The following UBQLN2 variants were observed in gnomAD, a reference collection of about 807,000 sequenced individuals.
UBQLN2 encodes ubiquilin-2.
UBQLN2 carries 2 observed loss-of-function variants against 22.2 expected under a neutral mutation model. The observed-to-expected ratio is 0.09, with a 90% CI of 0.04 to 0.28. UBQLN2 has a LOEUF of 0.28. Among genes scored for constraint, UBQLN2 ranks in the 10% least tolerant of loss-of-function variants. UBQLN2 has a pLI of 1.00. For synonymous variants in UBQLN2, 252 were observed against 206.7 expected (o/e 1.22, Z -1.88); for missense variants, 446 against 505.1 (o/e 0.88, Z 1.12).
In UBQLN2 at chrX:56,564,841, C is replaced by A; in HGVS notation, c.968C>A (p.Pro323Gln). The A allele has an allele frequency of 1.7e-6, 2 of 1,211,350 alleles. No individual in the cohort carries two copies. Among genetic ancestry groups the A allele is most frequent in the Non-Finnish European group, 2.2e-6 (2 of 895,340 alleles). Residue 323 changes from proline (P) to glutamine (Q), a missense_variant, in exon 1 of 1, where the codon CCG becomes CAG. By Grantham distance (76) the Pro-to-Gln change is moderately conservative. Transcript: ENST00000338222. ...CCACTACCCAATCCATGGGCACCAC[C>A]GCCAGCTACCCAGAGTTCTGCAACT... ...RDPLPNPWAP[P>Q]PATQSSATTS...
Position 56,565,486 on chromosome X carries a change from T to A in UBQLN2, c.1613T>A (p.Val538Glu), listed in dbSNP as rs1249658397. ...TGSGGPTGPT[V>E]SSAAPSETTS... is the part of the protein sequence containing the mutation. ...TCTGGTGGCCCCACGGGGCCTACTG[T>A]GTCCAGCGCTGCACCTAGTGAAACC... The change falls in exon 1 of 1, where the codon GTG (valine) becomes GAG (glutamate). Residue 538 changes from valine (V) to glutamate (E), a missense_variant. Coordinates refer to ENST00000338222, the MANE Select transcript of UBQLN2 (RefSeq NM_013444.4). 2.5e-6 allele frequency: 3 copies of A among 1,203,035 alleles called. No individual in the cohort carries two copies. In the African/African-American group the frequency reaches 5.2e-5, roughly 21 times the overall value.
In UBQLN2 at chrX:56,565,459, G is replaced by T. The variant is rs751079876; in HGVS notation, c.1586G>T (p.Gly529Val). The T allele has an allele frequency of 8.3e-7, 1 of 1,199,015 alleles. No homozygotes were observed. Among genetic ancestry groups the T allele is most frequent in the Non-Finnish European group, 1.1e-6 (1 of 888,750 alleles). ...TGPAAPPGST[G>V]SGGPTGPTVS... Reference sequence around the variant, plus strand: ...CCTGCAGCCCCCCCTGGCTCCACCGGCTCTGGTGGCCCCACGGGGCCTACT... The same window carrying T: ...CCTGCAGCCCCCCCTGGCTCCACCGTCTCTGGTGGCCCCACGGGGCCTACT... Residue 529 changes from glycine (G) to valine (V), a missense_variant, in exon 1 of 1, where the codon GGC becomes GTC. Gly to Val is a moderately radical substitution (Grantham distance 109). Coordinates refer to ENST00000338222, the MANE Select transcript of UBQLN2 (RefSeq NM_013444.4).
rs997115409 is a variant in UBQLN2 at position 56,566,565 on chromosome X, A to G, written c.*817A>G. 5 of 123,713 alleles carry G rather than the reference A, an allele frequency of 4.0e-5. No individual in the cohort carries two copies. The East Asian group carries it at 1.4e-3, about 34-fold the overall frequency. The allele number at this position is 123,713 out of a possible 1,213,427, so 10.2% of individuals were successfully genotyped here. A position where few individuals can be genotyped will look rare whatever the true frequency, so the allele number is the denominator to read the frequency against. ...GGCTAGGCAAGTTCAGTTAAAATAT[A>G]GTAGAAATGTTTATCCTGGTATCTC... is the stretch of plus-strand genomic sequence containing the variant. On this transcript the variant is annotated 3_prime_UTR_variant, in exon 1 of 1. Coordinates refer to ENST00000338222, the MANE Select transcript of UBQLN2 (RefSeq NM_013444.4).
At position 56,564,116 on chromosome X, in the gene UBQLN2, A is replaced by G. The variant is rs778382794; in HGVS notation, c.243A>G (p.Leu81=). The part of the protein sequence containing the change: ...QLVLIFAGKI[L]KDQDTLIQHG... ...TGCTGATTTTTGCCGGAAAAATCTT[A>G]AAAGATCAAGATACCTTGATCCAGC... Residue 81 remains leucine, a synonymous_variant, in exon 1 of 1, where the codon TTA becomes TTG. Transcript: ENST00000338222. 3.3e-6 allele frequency: 4 copies of G among 1,209,739 alleles called. No individual in the cohort carries two copies. Among genetic ancestry groups the G allele is most frequent in the African/African-American group, 1.7e-5 (1 of 57,332 alleles).
In UBQLN2 at chrX:56,564,205, A is replaced by G; in HGVS notation, c.332A>G (p.Gln111Arg). 8.3e-7 allele frequency: 1 copy of G among 1,211,630 alleles called. No homozygotes were observed. Among genetic ancestry groups the G allele is most frequent in the Non-Finnish European group, 1.1e-6 (1 of 895,243 alleles). ...VIKSQNRPQGQSTQPSNAAGT... is the reference protein window; with the variant it reads ...VIKSQNRPQGRSTQPSNAAGT... The stretch of plus-strand genomic sequence containing the variant: ...AAAAGCCAGAACCGACCTCAGGGCC[A>G]GTCCACGCAGCCTAGCAATGCCGCG... Residue 111 changes from glutamine to arginine, a missense_variant, in exon 1 of 1, where the codon CAG (glutamine) becomes CGG (arginine). Gln to Arg is a conservative substitution (Grantham distance 43, BLOSUM62 1). Coordinates refer to ENST00000338222, the MANE Select transcript of UBQLN2 (RefSeq NM_013444.4).
Position 56,565,044 on chromosome X carries a change from T to A in UBQLN2, c.1171T>A (p.Tyr391Asn). ...GATTCAGAATATGCTGTCGGCGCCC[T>A]ACATGAGAAGCATGATGCAGTCGCT... ...QLIQNMLSAP[Y>N]MRSMMQSLSQ... Residue 391 changes from tyrosine to asparagine, a missense_variant, in exon 1 of 1, where the codon TAC becomes AAC. Physicochemically the swap from Tyr to Asn is moderately radical, Grantham distance 143. This residue lies in a region of UBQLN2 where 278 missense variants were observed against 279.4 expected (regional missense o/e 1.00). Coordinates refer to ENST00000338222, the MANE Select transcript of UBQLN2 (RefSeq NM_013444.4). 1 of 1,211,889 alleles carries A rather than the reference T, an allele frequency of 8.3e-7. No homozygotes were observed. The highest frequency in any genetic ancestry group is 1.1e-6 in the Non-Finnish European group (1 of 895,433).
In UBQLN2 at chrX:56,565,238, A is replaced by C. The variant is rs2068635276; in HGVS notation, c.1365A>C (p.Leu455Phe). ...CAAACCCAAGAGCAATGCAGGCTTT[A>C]ATGCAGATCCAGCAGGGGCTACAGA... ...AMSNPRAMQA[L>F]MQIQQGLQTL... Residue 455 changes from leucine (L) to phenylalanine (F), a missense_variant, in exon 1 of 1, where the codon TTA becomes TTC. Around this residue, in one of 3 missense-constraint regions of UBQLN2, gnomAD observed 278 missense variants for 279.4 expected, o/e 1.00. Coordinates refer to ENST00000338222, the MANE Select transcript of UBQLN2 (RefSeq NM_013444.4). 1.7e-6 allele frequency: 2 copies of C among 1,210,940 alleles called. No homozygotes were observed. Among genetic ancestry groups the C allele is most frequent in the Admixed American group, 2.2e-5 (1 of 45,986 alleles).
In UBQLN2 at chrX:56,565,621, A is replaced by G. The variant is rs1229832916; in HGVS notation, c.1748A>G (p.Gln583Arg). 8.2e-7 allele frequency: 1 copy of G among 1,212,309 alleles called. No homozygotes were observed. The highest frequency in any genetic ancestry group is 3.0e-5 in the East Asian group (1 of 33,837). The change falls in exon 1 of 1, where the codon CAG (glutamine) becomes CGG (arginine). Residue 583 changes from glutamine to arginine, a missense_variant. Gln to Arg is a conservative substitution (Grantham distance 43). Coordinates refer to ENST00000338222, the MANE Select transcript of UBQLN2 (RefSeq NM_013444.4). ...CTGCCGAATCCAGAAGTCAGATTTCAGCAACAACTGGAACAGCTCAACGCA... is the reference window on the plus strand; with the variant it reads ...CTGCCGAATCCAGAAGTCAGATTTCGGCAACAACTGGAACAGCTCAACGCA... ...PQLPNPEVRF[Q>R]QQLEQLNAMG...
chrX:56,565,443 C>A lies in UBQLN2; in HGVS notation c.1570C>A (p.Pro524Thr). ...GPIGPTGPAA[P>T]PGSTGSGGPT... ...CATAGGACCCACTGGCCCTGCAGCC[C>A]CCCCTGGCTCCACCGGCTCTGGTGG... is the stretch of plus-strand genomic sequence containing the variant. Residue 524 changes from proline (P) to threonine (T), a missense_variant, in exon 1 of 1, where the codon CCC (proline) becomes ACC (threonine). Physicochemically the swap from Pro to Thr is conservative, Grantham distance 38 (BLOSUM62 -1). Transcript: ENST00000338222. The A allele has an allele frequency of 8.4e-7, 1 of 1,195,245 alleles. No homozygotes were observed. The highest frequency in any genetic ancestry group is 1.1e-6 in the Non-Finnish European group (1 of 886,772).
chrX:56,563,906 G>T lies in UBQLN2; in HGVS notation c.33G>T (p.Pro11=), dbSNP rs748108475. The T allele has an allele frequency of 1.4e-5, 16 of 1,151,883 alleles. No individual in the cohort carries two copies. The highest frequency in any genetic ancestry group is 1.1e-4 in the Admixed American group (4 of 38,028). The allele number at this position is 1,151,883 out of a possible 1,213,427, so 94.9% of individuals were successfully genotyped here. A position where few individuals can be genotyped will look rare whatever the true frequency, so the allele number is the denominator to read the frequency against. The part of the protein sequence containing the change: MAENGESSGP[P]RPSRGPAAAQ... ...AGAATGGCGAGAGCAGCGGCCCCCC[G>T]CGCCCCTCCCGCGGCCCTGCTGCGG... Residue 11 remains proline (P), a synonymous_variant, in exon 1 of 1, where the codon CCG becomes CCT. Coordinates refer to ENST00000338222, the MANE Select transcript of UBQLN2 (RefSeq NM_013444.4).
chrX:56,564,395 G>C lies in UBQLN2; in HGVS notation c.522G>C (p.Gln174His). 6 of 1,211,971 alleles carry C rather than the reference G, an allele frequency of 5.0e-6. No homozygotes were observed. Among genetic ancestry groups the C allele is most frequent in the Non-Finnish European group, 6.7e-6 (6 of 895,629 alleles). Residue 174 changes from glutamine (Q) to histidine (H), a missense_variant, in exon 1 of 1, where the codon CAG (glutamine) becomes CAC (histidine). Gln to His is a conservative substitution (Grantham distance 24). Transcript: ENST00000338222. ...AGCTCCAGAGCCAGATGCAGCAGCA[G>C]CTTATGGCCAGCCCTGAGATGATGA... ...FSELQSQMQQ[Q>H]LMASPEMMIQ...
rs1204753754 is a variant in UBQLN2, at chrX:56,566,975, T to C, written c.*1227T>C. ...ATCTTTTCTTTTTGCCTTTTGGCCC[T>C]AGGATCGTGTTTAGGAGGATTATCC... On this transcript the variant is annotated 3_prime_UTR_variant, in exon 1 of 1. Transcript: ENST00000338222. 8.1e-6 allele frequency: 1 copy of C among 123,122 alleles called. No homozygotes were observed. Among genetic ancestry groups the C allele is most frequent in the Non-Finnish European group, 1.9e-5 (1 of 53,091 alleles). The allele number at this position is 123,122 out of a possible 1,213,427, so 10.1% of individuals were successfully genotyped here.
Position 56,565,445 on chromosome X carries a change from C to T in UBQLN2, c.1572C>T (p.Pro524=), listed in dbSNP as rs935786300. The T allele has an allele frequency of 8.4e-7, 1 of 1,194,821 alleles. No individual in the cohort carries two copies. The highest frequency in any genetic ancestry group is 1.8e-5 in the African/African-American group (1 of 56,869). ...TAGGACCCACTGGCCCTGCAGCCCC[C>T]CCTGGCTCCACCGGCTCTGGTGGCC... ...GPIGPTGPAA[P]PGSTGSGGPT... Residue 524 remains proline (P), a synonymous_variant, in exon 1 of 1, where the codon CCC becomes CCT. Transcript: ENST00000338222.
Position 56,565,934 on chromosome X carries a change from C to T in UBQLN2, c.*186C>T, listed in dbSNP as rs2068640417. ...TCCTACTTCCCTCACTCCCTTTCTCCTTTGCTTATTTTTCCTACCTTCCCT... is the reference window on the plus strand; with the variant it reads ...TCCTACTTCCCTCACTCCCTTTCTCTTTTGCTTATTTTTCCTACCTTCCCT... On this transcript the variant is annotated 3_prime_UTR_variant, in exon 1 of 1. Coordinates refer to ENST00000338222, the MANE Select transcript of UBQLN2 (RefSeq NM_013444.4). 2.1e-6 allele frequency: 1 copy of T among 481,015 alleles called. No individual in the cohort carries two copies. The highest frequency in any genetic ancestry group is 3.7e-5 in the Admixed American group (1 of 26,943). The allele number at this position is 481,015 out of a possible 1,213,427, so 39.6% of individuals were successfully genotyped here. A position where few individuals can be genotyped will look rare whatever the true frequency, so the allele number is the denominator to read the frequency against.
rs1288387864 is a variant in UBQLN2 at position 56,566,401 on chromosome X, A to C, written c.*653A>C. ...AAGCACAATTGGCACTGTACATCTA[A>C]AAATATTACAGTAGAATCTGAGTGT... On this transcript the variant is annotated 3_prime_UTR_variant, in exon 1 of 1. Coordinates refer to ENST00000338222, the MANE Select transcript of UBQLN2 (RefSeq NM_013444.4). 4.0e-5 allele frequency: 5 copies of C among 123,889 alleles called. No individual in the cohort carries two copies. The highest frequency in any genetic ancestry group is 9.3e-5 in the Non-Finnish European group (5 of 53,571). 10.2% of individuals were successfully genotyped at this position (123,889 alleles called of 1,213,427 possible). A position where few individuals can be genotyped will look rare whatever the true frequency, so the allele number is the denominator to read the frequency against.
rs944511320 is a variant in UBQLN2, at chrX:56,566,932, A to C, written c.*1184A>C. The C allele has an allele frequency of 8.1e-6, 1 of 123,332 alleles. No individual in the cohort carries two copies. Among genetic ancestry groups the C allele is most frequent in the Non-Finnish European group, 1.9e-5 (1 of 53,145 alleles). 10.2% of individuals were successfully genotyped at this position (123,332 alleles called of 1,213,427 possible). On this transcript the variant is annotated 3_prime_UTR_variant, in exon 1 of 1. Transcript: ENST00000338222. ...ATTAAAAATGACTAAAAAAAATAAA[A>C]AATTAAAAAATGGATAAATCTTTTC...
At position 56,565,523 on chromosome X, in the gene UBQLN2, A is replaced by C; in HGVS notation, c.1650A>C (p.Thr550=). ...CACCTAGTGAAACCACGAGTCCTAC[A>C]TCAGAATCTGGACCCAACCAGCAGT... ...SAAPSETTSP[T]SESGPNQQFI... is the part of the protein sequence containing the mutation. The change falls in exon 1 of 1, where the codon ACA becomes ACC. Residue 550 remains threonine, a synonymous_variant. Transcript: ENST00000338222. The C allele has an allele frequency of 8.3e-7, 1 of 1,210,531 alleles. No homozygotes were observed. The highest frequency in any genetic ancestry group is 1.1e-6 in the Non-Finnish European group (1 of 894,666).
At position 56,565,667 on chromosome X, in the gene UBQLN2, A is replaced by G; in HGVS notation, c.1794A>G (p.Glu598=). Residue 598 remains glutamate (E), a synonymous_variant, in exon 1 of 1, where the codon GAA becomes GAG. Coordinates refer to ENST00000338222, the MANE Select transcript of UBQLN2 (RefSeq NM_013444.4). ...QLNAMGFLNR[E]ANLQALIATG... ...ACGCAATGGGGTTCTTAAACCGTGA[A>G]GCAAACTTGCAGGCCCTAATAGCAA... 1 of 1,212,271 alleles carries G rather than the reference A, an allele frequency of 8.2e-7. No individual in the cohort carries two copies. Among genetic ancestry groups the G allele is most frequent in the Non-Finnish European group, 1.1e-6 (1 of 895,578 alleles).
chrX:56,565,591 C>T lies in UBQLN2; in HGVS notation c.1718C>T (p.Pro573Leu), dbSNP rs1426367462. The T allele has an allele frequency of 1.7e-6, 2 of 1,212,082 alleles. No homozygotes were observed. The highest frequency in any genetic ancestry group is 2.2e-6 in the Non-Finnish European group (2 of 895,594). Reference sequence around the variant, plus strand: ...CAGGCCCTGGCTGGAGCAAATGCTCCACAGCTGCCGAATCCAGAAGTCAGA... The same window carrying T: ...CAGGCCCTGGCTGGAGCAAATGCTCTACAGCTGCCGAATCCAGAAGTCAGA... ...MVQALAGANA[P>L]QLPNPEVRFQ... Residue 573 changes from proline to leucine, a missense_variant, in exon 1 of 1, where the codon CCA becomes CTA. Around this residue, in one of 3 missense-constraint regions of UBQLN2, gnomAD observed 278 missense variants for 279.4 expected, o/e 1.00. Transcript: ENST00000338222.
Sources: gnomAD v4.1 joint callset for allele counts on GRCh38, gnomAD v4.1.1 for gene constraint, gnomAD v4.1.1 regional missense constraint, MANE v1.5 for transcripts, NCBI Gene and HGNC (gene_info 2026-07-23, HGNC 2026-07-21) for gene names.